The following UBR1 variants were observed in gnomAD, a reference collection of about 807,000 sequenced individuals.
The protein encoded by UBR1 is E3 ubiquitin-protein ligase UBR1.
A neutral mutation model predicts 242.1 loss-of-function variants in UBR1; 102 were observed. The ratio of observed to expected loss-of-function variants is 0.42; its 90% CI spans 0.36 to 0.50. The LOEUF (loss-of-function observed/expected upper bound fraction) is 0.50, where lower values mean the gene tolerates loss of function less well. UBR1 is among the 20% of genes least tolerant of loss of function. UBR1 has a pLI of 0.01. For synonymous variants in UBR1, 675 were observed against 684.8 expected, an observed-to-expected ratio of 0.99 and a Z score of 0.22; for missense variants, 1,772 against 2,101.8, an observed-to-expected ratio of 0.84 and a Z score of 3.07.
chr15:43,057,580 T>C (rs1340687427), intron 10 of UBR1, among the ~76,000 whole-genome samples: 1 of 152,316 alleles, frequency 6.6e-6, no homozygotes, highest in East Asian at 1.9e-4. Flanking sequence ...GATAGATTAA[T>C]AAAACATTAA....
rs766168695 is a variant in UBR1, at chr15:43,059,759, G to A, written c.928C>T (p.His310Tyr). The change falls in exon 8 of 47, where the codon CAT (histidine) becomes TAT (tyrosine). Residue 310 changes from histidine to tyrosine, a missense_variant. This residue lies in a region of UBR1 where 734 missense variants were observed against 893.3 expected (regional missense o/e 0.82). Transcript: ENST00000290650. ...CCAAGACGCAAAGCAAATTTCTGAT[G>A]AGCCATAATCTCTGAGTGTAATACT... The part of the protein sequence containing the change: ...VEVLHSEIMA[H>Y]QKFALRLGSW... 6.8e-6 allele frequency: 11 copies of A among 1,613,956 alleles called. No homozygotes were observed. The highest frequency in any genetic ancestry group is 1.7e-5 in the Admixed American group (1 of 60,002).
intron 33 of UBR1, among the ~76,000 whole-genome samples, chr15:42,991,641 A>AT (rs1447507769): frequency 3.3e-5 from 5 of 151,824 alleles, no homozygotes; most frequent in African/African-American, 1.2e-4. Flanking sequence ...CTAAGGATAT[A>AT]TTTTTTTGTC....
At chr15:43,033,870 A>T (rs1020391385) in intron 19 of UBR1, among the ~76,000 whole-genome samples, 1 of 152,146 alleles carries the variant, frequency 6.6e-6, no homozygotes, top group South Asian at 2.1e-4. Flanking sequence ...TTGAGAGGCC[A>T]GGGCAGGCAG....
chr15:43,092,013 G>C (rs1002071210), intron 1 of UBR1: 4 of 453,652 alleles, frequency 8.8e-6, no homozygotes, highest in Non-Finnish European at 1.8e-5. Flanking sequence ...TTGAGTCAGA[G>C]AGGGAGAGGT....
At chr15:43,037,456 T>C (rs1449308171) in intron 17 of UBR1, among the ~76,000 whole-genome samples, 3 of 151,610 alleles carry the variant, frequency 2.0e-5, no homozygotes, top group African/African-American at 4.8e-5. Flanking sequence ...TTAAGACAGA[T>C]GGTGGAAAGA....
chr15:42,991,135 G>C (rs890012205), intron 33 of UBR1, among the ~76,000 whole-genome samples: 5 of 151,794 alleles, frequency 3.3e-5, no homozygotes, highest in African/African-American at 4.8e-5. Flanking sequence ...AATTAGCCTG[G>C]CGTGGTGGCG....
In UBR1 at chr15:42,952,337, C is replaced by T. The variant is rs756319647; in HGVS notation, c.4947G>A (p.Glu1649=). The change falls in exon 45 of 47, where the codon GAG becomes GAA. Residue 1649 remains glutamate, a synonymous_variant. Transcript: ENST00000290650. ...GTGCGTGAAAAATGCAAGCTCCAAC[C>T]TCTTCCCCGTTCACAATTTCCTGGC... ...ICCQEIVNGE[E]VGACIFHALH... is the part of the protein sequence containing the mutation. The T allele has an allele frequency of 1.9e-6, 3 of 1,614,076 alleles. No individual in the cohort carries two copies. The Admixed American group carries it at 5.0e-5, about 27-fold the overall frequency.
At chr15:43,066,466 A>T (rs1264048820) in intron 6 of UBR1, among the ~76,000 whole-genome samples, 3 of 152,082 alleles carry the variant, frequency 2.0e-5, no homozygotes, top group African/African-American at 7.2e-5. Context: ...GTTCCATTTG[A>T]ATTTTTAAAC....
intron 1 of UBR1, among the ~76,000 whole-genome samples, chr15:43,101,335 C>T (rs979084261): frequency 6.6e-6 from 1 of 152,128 alleles, no homozygotes; most frequent in African/African-American, 2.4e-5. Context: ...AAGAGGGCAA[C>T]AGTGGAAGCA....
At chr15:43,060,984 G>T (rs1171785911) in intron 6 of UBR1, among the ~76,000 whole-genome samples, 1 of 150,460 alleles carries the variant, frequency 6.6e-6, no homozygotes, top group Non-Finnish European at 1.5e-5. Flanking sequence ...ATAAGAGATT[G>T]TTAAAAGAAC....
At chr15:42,967,602 G>A (rs2032129479) in intron 40 of UBR1, among the ~76,000 whole-genome samples, 1 of 152,002 alleles carries the variant, frequency 6.6e-6, no homozygotes, top group Admixed American at 6.6e-5. Context: ...CGAATCTTAT[G>A]TAAACTATGA....
chr15:42,963,440 C>T (rs2032053750), intron 42 of UBR1, among the ~76,000 whole-genome samples: 1 of 151,994 alleles, frequency 6.6e-6, no homozygotes, highest in African/African-American at 2.4e-5. Flanking sequence ...CACAAGAGGG[C>T]CAGTAACCAA....
At chr15:43,025,584 G>A in intron 23 of UBR1, 155 bp from the exon 24 acceptor site, 1 of 629,906 alleles carries the variant, frequency 1.6e-6, no homozygotes, top group South Asian at 1.8e-5. Context: ...ATAAAATTGT[G>A]TTCTAGAGAA....
chr15:43,054,179 C>T (rs959242364), intron 12 of UBR1, among the ~76,000 whole-genome samples: 48 of 151,898 alleles, frequency 3.2e-4, no homozygotes, highest in African/African-American at 1.1e-3. Context: ...AGTGAGACTC[C>T]GTCTCTACAA....
chr15:42,973,995 T>C (rs1358566018), intron 39 of UBR1, among the ~76,000 whole-genome samples: 2 of 151,090 alleles, frequency 1.3e-5, no homozygotes, highest in Admixed American at 6.6e-5. Context: ...TTCACGCCAT[T>C]CTCCTGCCTC....
At chr15:43,026,704 G>C in intron 22 of UBR1, 41 bp from the exon 23 acceptor site, 1 of 1,517,742 alleles carries the variant, frequency 6.6e-7, no homozygotes, top group African/African-American at 1.4e-5. Flanking sequence ...CAGTGTTCTT[G>C]AAGTATAAAA....
chr15:43,025,498 T>C, intron 23 of UBR1, 69 bp from the exon 24 acceptor site: 1 of 1,227,652 alleles, frequency 8.1e-7, no homozygotes, highest in East Asian at 2.4e-5. Flanking sequence ...ATTAAAGCAG[T>C]CAGGAAAGAC....
intron 33 of UBR1, among the ~76,000 whole-genome samples, chr15:42,997,141 T>C (rs375734204): frequency 1.3e-5 from 2 of 152,292 alleles, no homozygotes; most frequent in South Asian, 2.1e-4. Flanking sequence ...TCCTGCCAGA[T>C]CAGCAGCCAC....
At position 42,984,006 on chromosome 15, in the gene UBR1, A is replaced by G; in HGVS notation, c.4054-13T>C. On this transcript the variant is annotated splice_polypyrimidine_tract_variant and intron_variant, in intron 36 of 46. Coordinates refer to ENST00000290650, the MANE Select transcript of UBR1 (RefSeq NM_174916.3). ...TCAGACCATTATGCTAGATTGTAAGAGAGAAGGAAGATAAAAAGATGAGGG... is the reference window on the plus strand; with the variant it reads ...TCAGACCATTATGCTAGATTGTAAGGGAGAAGGAAGATAAAAAGATGAGGG... 1 of 1,604,468 alleles carries G rather than the reference A, an allele frequency of 6.2e-7. No individual in the cohort carries two copies. The highest frequency in any genetic ancestry group is 2.2e-5 in the East Asian group (1 of 44,724).
Sources: gnomAD v4.1 joint callset for allele counts (sites outside exome capture counted in the v4.1 genomes callset) on GRCh38, gnomAD v4.1.1 for gene constraint, gnomAD v4.1.1 regional missense constraint, MANE v1.5 for transcripts, NCBI Gene and HGNC (gene_info 2026-07-23, HGNC 2026-07-21) for gene names.